Variants in DLEU7 observed in about 807,000 individuals in gnomAD.
DLEU7 encodes the protein leukemia-associated protein 7.
Under a neutral mutation model 16.0 loss-of-function variants are expected in DLEU7, and 17 were observed. That is an observed-to-expected ratio of 1.06 (90% CI 0.73 to 1.59). The LOEUF is 1.59. Ranked by LOEUF, DLEU7 falls within the 40% of genes most tolerant of loss-of-function variation. The pLI, the probability that DLEU7 is intolerant of heterozygous loss-of-function variation, is 0.00. For missense variants in DLEU7, 308 were observed against 314.9 expected, an observed-to-expected ratio of 0.98 and a Z score of 0.17; for synonymous variants, 113 against 139.8, an observed-to-expected ratio of 0.81 and a Z score of 1.35.
At chr13:50,733,716 T>C (rs1012310015) in intron 1 of DLEU7, among the ~76,000 whole-genome samples, 1 of 152,210 alleles carries the variant, frequency 6.6e-6, no homozygotes, top group Non-Finnish European at 1.5e-5. Flanking sequence ...CAGTTTTTCC[T>C]TCTAATAAAG....
intron 1 of DLEU7, among the ~76,000 whole-genome samples, chr13:50,748,112 GT>G (rs1213277422): frequency 1.3e-5 from 2 of 151,614 alleles, no homozygotes; most frequent in African/African-American, 2.4e-5. Context: ...AAGAAGCAAA[GT>G]TTTTTTGTGT....
intron 1 of DLEU7, among the ~76,000 whole-genome samples, chr13:50,827,812 T>G (rs1877140103): frequency 6.6e-6 from 1 of 152,054 alleles, no homozygotes; most frequent in Non-Finnish European, 1.5e-5. Context: ...CCTACACATA[T>G]CAGAAAGCAC....
In DLEU7 at chr13:50,775,520, T is replaced by A. The variant is rs555153006; in HGVS notation, c.460-62280A>T. ...TTTCTAGCTTTTGTTTTCTCTTGAGTTTCTTGGAGTCTCATCCTGTGCATG... is the reference window on the plus strand; with the variant it reads ...TTTCTAGCTTTTGTTTTCTCTTGAGATTCTTGGAGTCTCATCCTGTGCATG... On this transcript the variant is annotated intron_variant, in intron 1 of 1. Coordinates refer to the DLEU7 transcript ENST00000400393. Among the ~76,000 whole-genome samples the A allele has an allele frequency of 7.9e-5, 12 of 152,310 alleles. No individual in the cohort carries two copies. In the South Asian group the frequency reaches 2.5e-3, roughly 32 times the overall value.
chr13:50,740,135 AT>A (rs574704777), intron 1 of DLEU7, among the ~76,000 whole-genome samples: 1 of 152,068 alleles, frequency 6.6e-6, no homozygotes, highest in Non-Finnish European at 1.5e-5. Context: ...GTGCTTACAC[AT>A]TTTTTTCCTG....
intron 1 of DLEU7, among the ~76,000 whole-genome samples, chr13:50,838,691 G>A (rs1566270563): frequency 3.3e-5 from 5 of 152,186 alleles, no homozygotes; most frequent in Admixed American, 3.3e-4. Context: ...ACTAAATTGT[G>A]TGGTCCCCTC....
At chr13:50,773,548 A>G (rs1289919045) in intron 1 of DLEU7, among the ~76,000 whole-genome samples, 1 of 151,990 alleles carries the variant, frequency 6.6e-6, no homozygotes, top group Non-Finnish European at 1.5e-5. Flanking sequence ...GGTCTGTTGG[A>G]GTTTGCTGGA....
At chr13:50,747,100 G>A (rs553704085) in intron 1 of DLEU7, among the ~76,000 whole-genome samples, 1 of 152,188 alleles carries the variant, frequency 6.6e-6, no homozygotes, top group African/African-American at 2.4e-5. Flanking sequence ...ATAGAATTTT[G>A]ATAATTTCTG....
chr13:50,737,205 T>C (rs1277738327), intron 1 of DLEU7, among the ~76,000 whole-genome samples: 1 of 152,194 alleles, frequency 6.6e-6, no homozygotes, highest in East Asian at 1.9e-4. Context: ...ATATCTCTCA[T>C]GCACATAAAA....
intron 1 of DLEU7, among the ~76,000 whole-genome samples, chr13:50,799,895 C>T (rs1175218947): frequency 6.6e-6 from 1 of 152,156 alleles, no homozygotes; most frequent in African/African-American, 2.4e-5. Context: ...ATCTGTCCTG[C>T]GTTGCTGAAG....
chr13:50,835,489 T>C (rs918067592), intron 1 of DLEU7, among the ~76,000 whole-genome samples: 20 of 152,330 alleles, frequency 1.3e-4, no homozygotes, highest in Non-Finnish European at 1.0e-4. Context: ...TTATGAGTGG[T>C]ACGAAGCTCA....
At chr13:50,797,861 C>T (rs1463226617) in intron 1 of DLEU7, among the ~76,000 whole-genome samples, 1 of 152,128 alleles carries the variant, frequency 6.6e-6, no homozygotes, top group African/African-American at 2.4e-5. Flanking sequence ...ATGGGGGCCA[C>T]AGAGAAATTG....
At chr13:50,799,685 C>T (rs1244263874) in intron 1 of DLEU7, among the ~76,000 whole-genome samples, 3 of 152,100 alleles carry the variant, frequency 2.0e-5, no homozygotes, top group Non-Finnish European at 4.4e-5. Flanking sequence ...AAGACGACTG[C>T]TACAAAATAT....
intron 1 of DLEU7, among the ~76,000 whole-genome samples, chr13:50,755,281 T>C (rs1255863049): frequency 6.6e-6 from 1 of 152,244 alleles, no homozygotes; most frequent in Non-Finnish European, 1.5e-5. Flanking sequence ...CCCCCAAATA[T>C]GTTTTCCAAA....
At chr13:50,740,016 C>T (rs936313864) in intron 1 of DLEU7, among the ~76,000 whole-genome samples, 8 of 151,984 alleles carry the variant, frequency 5.3e-5, no homozygotes, top group African/African-American at 1.9e-4. Context: ...TTGTCGAGAC[C>T]ACACACTAGT....
At chr13:50,757,985 T>C (rs188384053) in intron 1 of DLEU7, among the ~76,000 whole-genome samples, 4 of 152,168 alleles carry the variant, frequency 2.6e-5, no homozygotes. Flanking sequence ...AAATATATTT[T>C]ATACCTAACT....
At chr13:50,734,994 G>A (rs1203909516) in intron 1 of DLEU7, among the ~76,000 whole-genome samples, 1 of 152,114 alleles carries the variant, frequency 6.6e-6, no homozygotes, top group African/African-American at 2.4e-5. Context: ...TAAGAGAGCT[G>A]TCATGACTAT....
At chr13:50,777,832 AC>A (rs2137762873) in intron 1 of DLEU7, among the ~76,000 whole-genome samples, 1 of 152,180 alleles carries the variant, frequency 6.6e-6, no homozygotes, top group East Asian at 1.9e-4. Flanking sequence ...CTTTCCATAA[AC>A]CTGCCCTCAC....
chr13:50,774,412 A>G (rs1380604396), intron 1 of DLEU7, among the ~76,000 whole-genome samples: 1 of 152,152 alleles, frequency 6.6e-6, no homozygotes, highest in Non-Finnish European at 1.5e-5. Context: ...TGGATCCTCC[A>G]TTCATGATTT....
At chr13:50,744,447 C>G (rs7989430) in intron 1 of DLEU7, among the ~76,000 whole-genome samples, 1 of 151,994 alleles carries the variant, frequency 6.6e-6, no homozygotes, top group African/African-American at 2.4e-5. Context: ...GGCTTTTGAC[C>G]GTGTAAGTGT....
Sources: gnomAD v4.1 joint callset for allele counts (sites outside exome capture counted in the v4.1 genomes callset) on GRCh38, gnomAD v4.1.1 for gene constraint, MANE v1.5 for transcripts, NCBI Gene and HGNC (gene_info 2026-07-23, HGNC 2026-07-21) for gene names.